Variants in PDE8B observed in about 807,000 individuals in gnomAD.
The protein encoded by PDE8B is phosphodiesterase 8B.
In PDE8B, 26 loss-of-function variants were observed where a neutral mutation model predicts 101.3. The observed-to-expected ratio is 0.26, with a 90% CI of 0.19 to 0.36. PDE8B has a LOEUF of 0.36. Ranked by LOEUF, PDE8B falls within the 10% of genes least tolerant of loss-of-function variation. The pLI, the probability that PDE8B is intolerant of heterozygous loss-of-function variation, is 1.00. For missense variants in PDE8B, 810 were observed against 1,163.1 expected (o/e 0.70, Z 4.42); for synonymous variants, 424 against 429.3 (o/e 0.99, Z 0.15).
At chr5:77,327,474 G>A (rs17671243) in intron 3 of PDE8B, among the ~76,000 whole-genome samples, 28,166 of 152,118 alleles carry the variant, frequency 0.19, 3,325 homozygotes, top group Middle Eastern at 0.32. Flanking sequence ...TAAAACCCAC[G>A]CCTTAGGATA....
chr5:77,311,874 T>C, intron 1 of PDE8B, 120 bp from the exon 2 acceptor site: 1 of 831,062 alleles, frequency 1.2e-6, no homozygotes, highest in Non-Finnish European at 2.1e-6. Flanking sequence ...TCCAGTTCAG[T>C]AAGCTGGATT....
At chr5:77,283,807 C>T (rs1208978834) in intron 1 of PDE8B, among the ~76,000 whole-genome samples, 3 of 152,110 alleles carry the variant, frequency 2.0e-5, no homozygotes, top group South Asian at 2.1e-4. Context: ...TCTGTGTGCA[C>T]GTTTTGTGTA....
At chr5:77,259,189 C>T (rs775389402) in intron 1 of PDE8B, among the ~76,000 whole-genome samples, 1 of 151,524 alleles carries the variant, frequency 6.6e-6, no homozygotes, top group African/African-American at 2.4e-5. Flanking sequence ...GGTACAGCTC[C>T]AGCCTCTTCC....
chr5:77,201,411 C>T, the PDE8B span, among the ~76,000 whole-genome samples: 1 of 152,172 alleles, frequency 6.6e-6, no homozygotes, highest in Admixed American at 6.5e-5. Flanking sequence ...AGAGATCCAG[C>T]AGCAAACACA....
intron 1 of PDE8B, among the ~76,000 whole-genome samples, chr5:77,309,844 T>C (rs1047908268): frequency 6.7e-6 from 1 of 149,858 alleles, no homozygotes; most frequent in Non-Finnish European, 1.5e-5. Context: ...GGTCTCAAAC[T>C]CCTGGCCTCA....
At chr5:77,232,704 G>C (rs945248536) in intron 1 of PDE8B, among the ~76,000 whole-genome samples, 1 of 152,178 alleles carries the variant, frequency 6.6e-6, no homozygotes, top group African/African-American at 2.4e-5. Flanking sequence ...TGAGATGAAG[G>C]TCTGTGTCTC....
chr5:77,128,038 G>A, the PDE8B span, among the ~76,000 whole-genome samples: 1 of 152,148 alleles, frequency 6.6e-6, no homozygotes, highest in Non-Finnish European at 1.5e-5. Context: ...GTTGATAGTT[G>A]TCTAACATGA....
rs1451869848 is a variant in PDE8B at position 77,388,712 on chromosome 5, G to T, written c.1168-11536G>T. Reference sequence around the variant, plus strand: ...ACATGCTCTGTCCCAGGGAGATGGGGGTTTTATCTATAAGTCCCTGACTGG... The same window carrying T: ...ACATGCTCTGTCCCAGGGAGATGGGTGTTTTATCTATAAGTCCCTGACTGG... On this transcript the variant is annotated intron_variant, in intron 10 of 21. Transcript: ENST00000264917. 2.0e-5 allele frequency among the ~76,000 whole-genome samples: 3 copies of T among 152,152 alleles called. No homozygotes were observed. The South Asian group carries it at 6.2e-4, about 32-fold the overall frequency.
At chr5:77,141,281 A>G in the PDE8B span, 2 of 152,220 alleles carry the variant, frequency 1.3e-5, no homozygotes, top group Admixed American at 1.3e-4. Context: ...AATACTATAA[A>G]CAAGGTAGAT....
intron 15 of PDE8B, 39 bp downstream of exon 15, chr5:77,411,760 T>C (rs1209650143): frequency 6.9e-7 from 1 of 1,459,240 alleles, no homozygotes. Context: ...GTAACCTGTC[T>C]CCAGCCTGTG....
chr5:77,094,738 T>C, the PDE8B span, among the ~76,000 whole-genome samples: 1 of 152,128 alleles, frequency 6.6e-6, no homozygotes, highest in African/African-American at 2.4e-5. Context: ...CTCAGGAAGC[T>C]TCCACTTATG....
intron 20 of PDE8B, among the ~76,000 whole-genome samples, chr5:77,424,370 A>G (rs1797436978): frequency 1.3e-5 from 2 of 152,222 alleles, no homozygotes; most frequent in Admixed American, 1.3e-4. Context: ...AGCCAGGGTG[A>G]CCTAAAAATG....
chr5:77,183,345 C>A, the PDE8B span, among the ~76,000 whole-genome samples: 1 of 152,080 alleles, frequency 6.6e-6, no homozygotes, highest in African/African-American at 2.4e-5. Flanking sequence ...GTCTCGAACT[C>A]CTGACCTCAT....
intron 1 of PDE8B, among the ~76,000 whole-genome samples, chr5:77,249,858 T>C (rs1428574672): frequency 6.6e-6 from 1 of 152,232 alleles, no homozygotes; most frequent in Non-Finnish European, 1.5e-5. Flanking sequence ...TTGGCTGAAG[T>C]GTGTGCATTT....
intron 2 of PDE8B, among the ~76,000 whole-genome samples, chr5:77,318,646 T>C (rs925128000): frequency 3.9e-5 from 6 of 152,334 alleles, no homozygotes; most frequent in African/African-American, 1.4e-4. Flanking sequence ...AAACTATAGC[T>C]GTAATCAGCA....
chr5:77,140,892 G>A, the PDE8B span: 1 of 151,998 alleles, frequency 6.6e-6, no homozygotes, highest in Non-Finnish European at 1.5e-5. Context: ...TACATCCACC[G>A]TATATATACA....
the PDE8B span, among the ~76,000 whole-genome samples, chr5:77,099,742 T>C: frequency 4.3e-4 from 65 of 152,202 alleles, no homozygotes; most frequent in African/African-American, 1.5e-3. Flanking sequence ...CCCGAGTAGC[T>C]GGGACTATAG....
At chr5:77,123,356 T>TCC in the PDE8B span, among the ~76,000 whole-genome samples, 163 of 145,918 alleles carry the variant, frequency 1.1e-3, no homozygotes, top group African/African-American at 3.0e-3. Context: ...GTTGAATTCC[T>TCC]CCCCCACCGC....
the PDE8B span, chr5:77,180,576 CA>C: frequency 1.7e-5 from 13 of 758,308 alleles, no homozygotes; most frequent in South Asian, 5.9e-4. Flanking sequence ...GAGCCGGCTT[CA>C]GGGCCCCCTT....
Sources: gnomAD v4.1 joint callset for allele counts (sites outside exome capture counted in the v4.1 genomes callset) on GRCh38, gnomAD v4.1.1 for gene constraint, MANE v1.5 for transcripts, NCBI Gene and HGNC (gene_info 2026-07-23, HGNC 2026-07-21) for gene names.